Variants in PIGK observed in about 807,000 individuals in gnomAD.
The protein encoded by PIGK is phosphatidylinositol glycan anchor biosynthesis class K.
A neutral mutation model predicts 50.6 loss-of-function variants in PIGK; 42 were observed. The observed-to-expected ratio is 0.83, with a 90% CI of 0.65 to 1.07. The LOEUF (loss-of-function observed/expected upper bound fraction) is 1.07. PIGK is among the 50% of genes least tolerant of loss of function. PIGK has a pLI of 0.00. For synonymous variants in PIGK, 151 were observed against 156.0 expected, an observed-to-expected ratio of 0.97 and a Z score of 0.24; for missense variants, 448 against 488.7, an observed-to-expected ratio of 0.92 and a Z score of 0.78.
intron 10 of PIGK, among the ~76,000 whole-genome samples, chr1:77,097,074 A>T (rs1653432442): frequency 6.6e-6 from 1 of 152,018 alleles, no homozygotes; most frequent in Non-Finnish European, 1.5e-5. Flanking sequence ...ACCATGGAAT[A>T]CTATGCAGCC....
At chr1:77,125,741 T>A (rs1387529393) in intron 9 of PIGK, among the ~76,000 whole-genome samples, 1 of 152,148 alleles carries the variant, frequency 6.6e-6, no homozygotes, top group Non-Finnish European at 1.5e-5. Flanking sequence ...GTCCTTTCAA[T>A]ATGGAAATTC....
intron 4 of PIGK, 143 bp from the exon 5 acceptor site, chr1:77,166,973 A>C: frequency 1.7e-6 from 1 of 580,272 alleles, no homozygotes; most frequent in Non-Finnish European, 3.0e-6. Flanking sequence ...CAAAAATTAT[A>C]TAACTCAATT....
chr1:77,122,262 A>G lies in PIGK; in HGVS notation c.1071+13T>C, dbSNP rs1644363961. The stretch of plus-strand genomic sequence containing the variant: ...ATCTTGTTTCTTTCAAAAGAATAAA[A>G]TGAAATGCAAACCTGGTGTATTATC... On this transcript the variant is annotated intron_variant, in intron 10 of 10. Transcript: ENST00000370812. 2.0e-6 allele frequency: 3 copies of G among 1,500,554 alleles called. No individual in the cohort carries two copies. Among genetic ancestry groups the G allele is most frequent in the Non-Finnish European group, 2.8e-6 (3 of 1,082,790 alleles). The allele number at this position is 1,500,554 out of a possible 1,614,324, so 93.0% of individuals were successfully genotyped here. A position where few individuals can be genotyped will look rare whatever the true frequency, so the allele number is the denominator to read the frequency against.
At chr1:77,173,285 C>T in intron 3 of PIGK, among the ~76,000 whole-genome samples, 1 of 152,136 alleles carries the variant, frequency 6.6e-6, no homozygotes, top group East Asian at 1.9e-4. Context: ...TACTGATATG[C>T]AGAAACTTCT....
At chr1:77,200,153 T>A (rs1472241960) in intron 3 of PIGK, among the ~76,000 whole-genome samples, 1 of 152,094 alleles carries the variant, frequency 6.6e-6, no homozygotes, top group Non-Finnish European at 1.5e-5. Context: ...GAGAAATAAT[T>A]CTAACAGTTA....
intron 3 of PIGK, among the ~76,000 whole-genome samples, chr1:77,204,219 A>T (rs4397697): frequency 0.18 from 26,622 of 152,016 alleles, 2,534 homozygotes; most frequent in East Asian, 0.36. Context: ...TAAAATGGCC[A>T]CTCTGGGAAT....
chr1:77,162,913 T>G (rs1030039656), intron 6 of PIGK, among the ~76,000 whole-genome samples: 2 of 152,164 alleles, frequency 1.3e-5, no homozygotes, highest in Non-Finnish European at 2.9e-5. Context: ...ATCCTAGCTG[T>G]GTCAAGTTTG....
rs571054372 is a variant in PIGK, at chr1:77,145,911, G to T, written c.986+8538C>A. 4.6e-5 allele frequency among the ~76,000 whole-genome samples: 7 copies of T among 152,056 alleles called. No individual in the cohort carries two copies. The South Asian group carries it at 1.0e-3, about 23-fold the overall frequency. On this transcript the variant is annotated intron_variant, in intron 9 of 10. Transcript: ENST00000370812. ...CCAAAACATGATTTTTTGACAAAGG[G>T]ATCAACATAATTCAATGAGGAATAA...
chr1:77,090,838 A>C lies in PIGK; in HGVS notation c.*1536T>G, dbSNP rs1653279895. 1 of 152,208 alleles carries C rather than the reference A, an allele frequency of 6.6e-6. No homozygotes were observed. The highest frequency in any genetic ancestry group is 1.5e-5 in the Non-Finnish European group (1 of 68,036). The allele number at this position is 152,208 out of a possible 1,614,324, so 9.4% of individuals were successfully genotyped here. A position where few individuals can be genotyped will look rare whatever the true frequency, so the allele number is the denominator to read the frequency against. ...TTCTTCCTCATTTATATAACACATC[A>C]ATAAAAAGATCAATTAAAATAAAGA... On this transcript the variant is annotated 3_prime_UTR_variant, in exon 11 of 11. Transcript: ENST00000370812.
intron 3 of PIGK, among the ~76,000 whole-genome samples, chr1:77,197,767 C>T (rs1210231836): frequency 6.6e-6 from 1 of 152,204 alleles, no homozygotes; most frequent in East Asian, 1.9e-4. Context: ...TTCTGAAACA[C>T]TATTAACTGC....
intron 9 of PIGK, among the ~76,000 whole-genome samples, chr1:77,126,651 T>G (rs1654238711): frequency 1.3e-5 from 2 of 152,160 alleles, no homozygotes. Flanking sequence ...TTTCCCAAGA[T>G]TGTCACCTTA....
At chr1:77,195,884 G>A (rs1362103549) in intron 3 of PIGK, among the ~76,000 whole-genome samples, 1 of 151,966 alleles carries the variant, frequency 6.6e-6, no homozygotes, top group Non-Finnish European at 1.5e-5. Flanking sequence ...TGCTACATGG[G>A]TATATTGTGT....
At chr1:77,138,429 GA>G (rs1296825703) in intron 9 of PIGK, among the ~76,000 whole-genome samples, 2 of 152,216 alleles carry the variant, frequency 1.3e-5, no homozygotes, top group East Asian at 1.9e-4. Context: ...ATACTCATAA[GA>G]AAATGGGATT....
chr1:77,115,937 C>T (rs1305188685), intron 10 of PIGK, among the ~76,000 whole-genome samples: 2 of 152,028 alleles, frequency 1.3e-5, no homozygotes, highest in African/African-American at 2.4e-5. Flanking sequence ...GGTCTTGTAT[C>T]TGAAATAGGG....
At chr1:77,136,402 G>A (rs1052664822) in intron 9 of PIGK, among the ~76,000 whole-genome samples, 4 of 150,668 alleles carry the variant, frequency 2.7e-5, no homozygotes, top group Non-Finnish European at 5.9e-5. Flanking sequence ...AGTGGCGGGC[G>A]CCTGTAGTCC....
chr1:77,131,201 A>G (rs2100535438), intron 9 of PIGK, among the ~76,000 whole-genome samples: 1 of 151,762 alleles, frequency 6.6e-6, no homozygotes, highest in African/African-American at 2.4e-5. Flanking sequence ...ACATCTATAG[A>G]CACATGCATA....
chr1:77,140,798 A>C (rs2100542490), intron 9 of PIGK, among the ~76,000 whole-genome samples: 1 of 152,354 alleles, frequency 6.6e-6, no homozygotes, highest in East Asian at 1.9e-4. Context: ...TTACATGCAA[A>C]AGAGAAATCA....
intron 10 of PIGK, among the ~76,000 whole-genome samples, chr1:77,116,562 C>CTCTG (rs1436964473): frequency 2.2e-5 from 3 of 134,982 alleles, no homozygotes; most frequent in Non-Finnish European, 4.6e-5. Context: ...AAATGTGTCT[C>CTCTG]TGTGTGTGTG....
chr1:77,105,087 T>C (rs35446093), intron 10 of PIGK, among the ~76,000 whole-genome samples: 29,568 of 151,886 alleles, frequency 0.19, 3,738 homozygotes, highest in African/African-American at 0.36. Flanking sequence ...AATTGAAGGA[T>C]GGTGAAGGTA....
Sources: gnomAD v4.1 joint callset for allele counts (sites outside exome capture counted in the v4.1 genomes callset) on GRCh38, gnomAD v4.1.1 for gene constraint, MANE v1.5 for transcripts, NCBI Gene and HGNC (gene_info 2026-07-23, HGNC 2026-07-21) for gene names.